The following CFAP77 variants were observed in gnomAD, a reference collection of about 807,000 sequenced individuals.
CFAP77 encodes cilia and flagella associated protein 77.
In CFAP77, 25 loss-of-function variants were observed where a neutral mutation model predicts 31.1. The ratio of observed to expected loss-of-function variants is 0.80; its 90% CI spans 0.59 to 1.12. The LOEUF is 1.12. CFAP77 is among the 50% of genes most tolerant of loss of function. The probability of loss-of-function intolerance (pLI) is 0.00; values close to 1 mark genes in which losing one functional copy is unlikely to be tolerated. For missense variants in CFAP77, 377 were observed against 397.3 expected, an observed-to-expected ratio of 0.95 and a Z score of 0.44; for synonymous variants, 151 against 159.9, an observed-to-expected ratio of 0.94 and a Z score of 0.42.
rs1589864392 is a variant in CFAP77 at position 132,461,606 on chromosome 9, C to G, written c.196-37089C>G. Among the ~76,000 whole-genome samples, 3 of 152,228 alleles carry G rather than the reference C, an allele frequency of 2.0e-5. No individual in the cohort carries two copies. In the South Asian group the frequency reaches 6.2e-4, roughly 32 times the overall value. ...TCATGATCATTCAGCAAAGAGCGAC[C>G]GAGGATTTATTCTACCGGGACGGCC... On this transcript the variant is annotated intron_variant, in intron 1 of 5. Transcript: ENST00000393216.
intron 1 of CFAP77, among the ~76,000 whole-genome samples, chr9:132,459,314 G>T (rs893906398): frequency 6.6e-6 from 1 of 152,008 alleles, no homozygotes. Context: ...CTCGTGATCT[G>T]CCCGCCTTGG....
At chr9:132,435,137 G>A (rs1850483485) in intron 1 of CFAP77, among the ~76,000 whole-genome samples, 1 of 152,174 alleles carries the variant, frequency 6.6e-6, no homozygotes, top group Admixed American at 6.5e-5. Flanking sequence ...TAAGCTGACA[G>A]GGTAATCCTA....
chr9:132,529,507 T>TAAAAAAAAA (rs750691279), intron 3 of CFAP77, among the ~76,000 whole-genome samples: 10 of 108,828 alleles, frequency 9.2e-5, no homozygotes, highest in African/African-American at 3.0e-4. Context: ...TAGAGTATAA[T>TAAAAAAAAA]AAAAAAAAAA....
At chr9:132,486,044 ATGTATATGTATG>A (rs1488229166) in intron 1 of CFAP77, among the ~76,000 whole-genome samples, 2 of 33,190 alleles carry the variant, frequency 6.0e-5, no homozygotes, top group African/African-American at 5.8e-4. Context: ...ATATATATGT[ATGTATATGTATG>A]TGTGTGTGTG....
At chr9:132,421,030 C>T (rs1199715090) in intron 1 of CFAP77, among the ~76,000 whole-genome samples, 1 of 115,784 alleles carries the variant, frequency 8.6e-6, no homozygotes, top group African/African-American at 3.3e-5. Context: ...TTTTTTGAGA[C>T]AGAGTCTCGC....
chr9:132,567,629 A>G (rs915660320), intron 5 of CFAP77, among the ~76,000 whole-genome samples: 3 of 152,212 alleles, frequency 2.0e-5, no homozygotes, highest in African/African-American at 7.2e-5. Flanking sequence ...AGAGGCTGCT[A>G]TAACAAATTG....
intron 3 of CFAP77, among the ~76,000 whole-genome samples, chr9:132,504,265 C>T (rs367737611): frequency 6.5e-4 from 99 of 152,300 alleles, no homozygotes; most frequent in African/African-American, 2.3e-3. Flanking sequence ...GATGTGCAGC[C>T]GGAACACCCA....
rs929209187 is a variant in CFAP77 at position 132,429,470 on chromosome 9, G to A, written c.195+19004G>A. ...GGAGAATCGCTTGAACCCAGGAGGC[G>A]GAGGTTGTAGTGAGCCAAGATCGCA... is the stretch of plus-strand genomic sequence containing the variant. On this transcript the variant is annotated intron_variant, in intron 1 of 5. Coordinates refer to ENST00000393216, the MANE Select transcript of CFAP77 (RefSeq NM_001282957.2). Among the ~76,000 whole-genome samples, 5 of 150,052 alleles carry A rather than the reference G, an allele frequency of 3.3e-5. 1 individual carries two copies. The South Asian group carries it at 6.4e-4, about 19-fold the overall frequency.
intron 1 of CFAP77, among the ~76,000 whole-genome samples, chr9:132,438,519 G>GTATATATATA (rs34631762): frequency 9.4e-5 from 11 of 116,678 alleles, no homozygotes; most frequent in East Asian, 5.0e-4. Context: ...AACAGATATG[G>GTATATATATA]TATATATATA....
chr9:132,482,499 C>T (rs1399433909), intron 1 of CFAP77: 6 of 1,049,252 alleles, frequency 5.7e-6, no homozygotes, highest in African/African-American at 1.6e-5. Flanking sequence ...CGCACACCTA[C>T]TGCGTGCTGG....
chr9:132,551,538 C>T (rs902657503), intron 5 of CFAP77, among the ~76,000 whole-genome samples: 13 of 152,214 alleles, frequency 8.5e-5, no homozygotes, highest in South Asian at 4.1e-4. Flanking sequence ...TCCAGTGATC[C>T]GCCCACCTTG....
intron 5 of CFAP77, among the ~76,000 whole-genome samples, chr9:132,566,496 A>C (rs186893331): frequency 1.0e-3 from 153 of 152,340 alleles, no homozygotes; most frequent in African/African-American, 3.6e-3. Context: ...AAGGGGCTCA[A>C]CATGCCAGTT....
chr9:132,550,209 C>T (rs1292430313), intron 5 of CFAP77, among the ~76,000 whole-genome samples: 2 of 152,226 alleles, frequency 1.3e-5, no homozygotes, highest in South Asian at 2.1e-4. Context: ...GCTCCAGAGG[C>T]TTTTCTGTCT....
chr9:132,437,272 T>C (rs1222687022), intron 1 of CFAP77, among the ~76,000 whole-genome samples: 3 of 152,162 alleles, frequency 2.0e-5, no homozygotes, highest in Non-Finnish European at 4.4e-5. Flanking sequence ...CAATTGTTTG[T>C]TTGCTCTTTT....
At chr9:132,547,715 G>A (rs1037308682) in intron 5 of CFAP77, among the ~76,000 whole-genome samples, 1 of 152,212 alleles carries the variant, frequency 6.6e-6, no homozygotes, top group African/African-American at 2.4e-5. Context: ...GGTGCGCCGT[G>A]TCCACAGCCT....
intron 5 of CFAP77, among the ~76,000 whole-genome samples, chr9:132,561,966 G>A (rs1829818565): frequency 6.6e-6 from 1 of 152,154 alleles, no homozygotes; most frequent in Admixed American, 6.5e-5. Flanking sequence ...CTCATCTCCA[G>A]GTAGAGCCTC....
chr9:132,543,236 C>A (rs1852675903), intron 5 of CFAP77, among the ~76,000 whole-genome samples, 189 bp downstream of exon 5: 1 of 152,246 alleles, frequency 6.6e-6, no homozygotes, highest in South Asian at 2.1e-4. Flanking sequence ...GCCTTTGTGA[C>A]TTTTCACATT....
At chr9:132,502,429 C>T (rs190208327) in intron 3 of CFAP77, among the ~76,000 whole-genome samples, 114 of 152,112 alleles carry the variant, frequency 7.5e-4, no homozygotes, top group African/African-American at 2.6e-3. Flanking sequence ...ACCGTCACCA[C>T]CATCCATCTC....
chr9:132,526,214 T>A (rs1852357396), intron 3 of CFAP77, among the ~76,000 whole-genome samples: 1 of 150,714 alleles, frequency 6.6e-6, no homozygotes, highest in Non-Finnish European at 1.5e-5. Flanking sequence ...AGTATGTGTT[T>A]AGTTTTTTTT....
Sources: gnomAD v4.1 joint callset for allele counts (sites outside exome capture counted in the v4.1 genomes callset) on GRCh38, gnomAD v4.1.1 for gene constraint, MANE v1.5 for transcripts, NCBI Gene and HGNC (gene_info 2026-07-23, HGNC 2026-07-21) for gene names.